RERGL: variants seen among roughly 807,000 people sequenced by gnomAD.
RERGL encodes the protein RERG like, also known as ras-related and estrogen-regulated growth inhibitor-like protein.
A neutral mutation model predicts 24.7 loss-of-function variants in RERGL; 22 were observed. The ratio of observed to expected loss-of-function variants is 0.89; its 90% CI spans 0.64 to 1.27. RERGL has a LOEUF of 1.27. Ranked by LOEUF, RERGL falls within the 50% of genes most tolerant of loss-of-function variation. The pLI is 0.00. For missense variants in RERGL, 259 were observed against 235.3 expected, an observed-to-expected ratio of 1.10 and a Z score of -0.66; for synonymous variants, 76 against 82.6, an observed-to-expected ratio of 0.92 and a Z score of 0.43.
intron 2 of RERGL, 28 bp from the exon 3 acceptor site, chr12:18,085,721 G>C: frequency 7.7e-7 from 1 of 1,294,600 alleles, no homozygotes; most frequent in Non-Finnish European, 1.1e-6. Context: ...TCCACTGTCA[G>C]TATGAAAATA....
At chr12:18,081,532 A>G (rs531989780) in intron 4 of RERGL, 59 bp from the exon 5 acceptor site, 1 of 1,377,576 alleles carries the variant, frequency 7.3e-7, no homozygotes, top group African/African-American at 1.5e-5. Context: ...TTTTTTAAAA[A>G]AAAAAAAAAA....
At chr12:18,085,860 T>G (rs1947214987) in intron 2 of RERGL, among the ~76,000 whole-genome samples, 167 bp from the exon 3 acceptor site, 1 of 105,196 alleles carries the variant, frequency 9.5e-6, no homozygotes, top group Non-Finnish European at 2.0e-5. Context: ...TTTTTTTTTT[T>G]TTTTTTTTTG....
intron 1 of RERGL, among the ~76,000 whole-genome samples, chr12:18,089,692 C>A (rs1471625541): frequency 6.6e-6 from 1 of 152,018 alleles, no homozygotes; most frequent in African/African-American, 2.4e-5. Flanking sequence ...CTCCCTACCC[C>A]AGTTTCAGAG....
At chr12:18,086,486 A>C (rs1313348962) in intron 2 of RERGL, among the ~76,000 whole-genome samples, 1 of 152,164 alleles carries the variant, frequency 6.6e-6, no homozygotes, top group East Asian at 1.9e-4. Flanking sequence ...TCTTGATTTT[A>C]TTCGCCTTAT....
chr12:18,085,865 T>A (rs1947215115), intron 2 of RERGL, among the ~76,000 whole-genome samples, 172 bp from the exon 3 acceptor site: 1 of 104,594 alleles, frequency 9.6e-6, no homozygotes, highest in Non-Finnish European at 2.0e-5. Flanking sequence ...TTTTTTTTTT[T>A]TTTTGAGCCA....
chr12:18,086,152 C>T (rs1591711020), intron 2 of RERGL, among the ~76,000 whole-genome samples: 2 of 149,414 alleles, frequency 1.3e-5, no homozygotes, highest in South Asian at 4.3e-4. Context: ...GGACTACAGG[C>T]GTGAGCCACC....
rs907853570 is a variant in RERGL, at chr12:18,080,929, A to G, written c.*262T>C. ...AGTTTATTTGGCAAGGCAAACTGGG[A>G]TCGCTGTCCGCCAGTAGGTTAGGGT... is the stretch of plus-strand genomic sequence containing the variant. On this transcript the variant is annotated 3_prime_UTR_variant, in exon 5 of 5. Transcript: ENST00000538724. The G allele has an allele frequency of 7.2e-6, 2 of 278,020 alleles. No individual in the cohort carries two copies. The highest frequency in any genetic ancestry group is 6.1e-5 in the East Asian group (1 of 16,468). The allele number at this position is 278,020 out of a possible 1,614,324, so 17.2% of individuals were successfully genotyped here. A position where few individuals can be genotyped will look rare whatever the true frequency, so the allele number is the denominator to read the frequency against.
At chr12:18,085,878 GCC>G in intron 2 of RERGL, among the ~76,000 whole-genome samples, 185 bp from the exon 3 acceptor site, 1 of 120,174 alleles carries the variant, frequency 8.3e-6, no homozygotes. Context: ...TTGAGCCACA[GCC>G]ACAGTCTGTC....
At chr12:18,085,540 C>G in intron 3 of RERGL, 80 bp downstream of exon 3, 1 of 927,394 alleles carries the variant, frequency 1.1e-6, no homozygotes, top group South Asian at 1.5e-5. Flanking sequence ...TTCACTTACC[C>G]CCATATAATC....
intron 2 of RERGL, among the ~76,000 whole-genome samples, chr12:18,086,552 G>A (rs1333946120): frequency 6.6e-6 from 1 of 152,028 alleles, no homozygotes; most frequent in Admixed American, 6.5e-5. Context: ...TCCTTTACGT[G>A]ACCTTCAAGG....
intron 2 of RERGL, among the ~76,000 whole-genome samples, chr12:18,088,364 G>C (rs1482446067): frequency 6.6e-6 from 1 of 151,892 alleles, no homozygotes; most frequent in Non-Finnish European, 1.5e-5. Flanking sequence ...AAGAGTTCGA[G>C]AAATAATCTT....
chr12:18,084,176 C>A (rs2136828257), intron 4 of RERGL, among the ~76,000 whole-genome samples: 1 of 152,162 alleles, frequency 6.6e-6, no homozygotes, highest in Middle Eastern at 3.4e-3. Context: ...TATTTAGTAT[C>A]CTTAACATTT....
At position 18,081,341 on chromosome 12, in the gene RERGL, C is replaced by A; in HGVS notation, c.465G>T (p.Glu155Asp). 6.2e-7 allele frequency: 1 copy of A among 1,614,052 alleles called. No homozygotes were observed. Among genetic ancestry groups the A allele is most frequent in the Non-Finnish European group, 8.5e-7 (1 of 1,179,992 alleles). ...RCQFCELSAA[E>D]QSLEVEMMFI... is the part of the protein sequence containing the mutation. The stretch of plus-strand genomic sequence containing the variant: ...ACATCATTTCCACCTCCAGAGACTG[C>A]TCTGCTGCAGACAGTTCACAGAATT... Residue 155 changes from glutamate (E) to aspartate (D), a missense_variant, in exon 5 of 5, where the codon GAG becomes GAT. Physicochemically the swap from Glu to Asp is conservative, Grantham distance 45. Coordinates refer to ENST00000538724, the MANE Select transcript of RERGL (RefSeq NM_001286201.2).
Position 18,085,475 on chromosome 12 carries a change from T to A in RERGL, c.183+145A>T, listed in dbSNP as rs75098127. On this transcript the variant is annotated intron_variant, in intron 3 of 4. Transcript: ENST00000538724. ...CACTAGAAAGTAATCTCTTAAATTT[T>A]TGATAATTAAAATGAGAAGAAACTT... The A allele has an allele frequency of 5.8e-3, 3,513 of 600,808 alleles. 105 individuals carry two copies. In the African/African-American group the frequency reaches 0.062, roughly 11 times the overall value. 37.2% of individuals were successfully genotyped at this position (600,808 alleles called of 1,614,324 possible).
chr12:18,089,788 G>A (rs1947253009), intron 1 of RERGL, among the ~76,000 whole-genome samples: 1 of 152,066 alleles, frequency 6.6e-6, no homozygotes, highest in South Asian at 2.1e-4. Context: ...GGATAGTGAT[G>A]CAGAAATTTC....
chr12:18,081,531 A>G, intron 4 of RERGL, 58 bp from the exon 5 acceptor site: 11 of 1,351,012 alleles, frequency 8.1e-6, no homozygotes, highest in Non-Finnish European at 1.1e-5. Context: ...TTTTTTTAAA[A>G]AAAAAAAAAA....
At chr12:18,083,625 G>A (rs1300832598) in intron 4 of RERGL, among the ~76,000 whole-genome samples, 3 of 152,028 alleles carry the variant, frequency 2.0e-5, no homozygotes, top group Non-Finnish European at 4.4e-5. Context: ...AAGCAAGAAT[G>A]TACATCATCT....
chr12:18,085,676 GC>G lies in RERGL; in HGVS notation c.126del (p.Lys42AsnfsTer10). ...AGTTGTTTCCTTTCCAAACACAAGT[GC>G]TTCTTATAGATAGATTCTGCAAAAA... The part of the protein sequence containing the change: ...YASNFESIYK[K>X]HLCLERKQLN... On this transcript the variant is annotated frameshift_variant, in exon 3 of 5. Transcript: ENST00000538724. LOFTEE classifies it high-confidence loss of function. 1.9e-6 allele frequency: 3 copies of G among 1,598,246 alleles called. No individual in the cohort carries two copies. The highest frequency in any genetic ancestry group is 2.6e-6 in the Non-Finnish European group (3 of 1,168,664).
At chr12:18,088,793 T>C (rs1947242894) in intron 2 of RERGL, 107 bp downstream of exon 2, 1 of 765,068 alleles carries the variant, frequency 1.3e-6, no homozygotes, top group African/African-American at 1.7e-5. Context: ...AATTGTTTCA[T>C]ATGCATAAAA....
Sources: allele counts gnomAD v4.1 joint callset (sites outside exome capture counted in the v4.1 genomes callset), GRCh38; gene constraint gnomAD v4.1.1; transcripts MANE v1.5; gene names NCBI Gene and HGNC (gene_info 2026-07-23, HGNC 2026-07-21).